The following TMEM161B variants were observed in gnomAD, a reference collection of about 807,000 sequenced individuals.
TMEM161B encodes transmembrane protein 161B.
A neutral mutation model predicts 61.8 loss-of-function variants in TMEM161B; 34 were observed. The observed-to-expected ratio is 0.55, with a 90% CI of 0.42 to 0.73. TMEM161B has a LOEUF of 0.73. Ranked by LOEUF, TMEM161B falls within the 30% of genes least tolerant of loss-of-function variation. The probability of loss-of-function intolerance (pLI) is 0.00; values close to 1 mark genes in which losing one functional copy is unlikely to be tolerated. For synonymous variants in TMEM161B, 167 were observed against 192.8 expected (o/e 0.87, Z 1.11); for missense variants, 456 against 558.5 (o/e 0.82, Z 1.85).
At chr5:88,202,812 G>A (rs1024137693) in intron 9 of TMEM161B, 150 bp downstream of exon 9, 6 of 680,172 alleles carry the variant, frequency 8.8e-6, no homozygotes, top group South Asian at 5.0e-5. Context: ...ATGGTCTGTA[G>A]TTTCAATTTT....
In TMEM161B at chr5:88,195,438, A is replaced by G. The variant is rs1170008522; in HGVS notation, c.*773T>C. ...AAAGTAATTTCTTTAAAGTCTGATC[A>G]GTATTGATAAATATTTTAGCCTATT... On this transcript the variant is annotated 3_prime_UTR_variant, in exon 12 of 12. Transcript: ENST00000296595. The G allele has an allele frequency of 2.1e-6, 2 of 963,360 alleles. No individual in the cohort carries two copies. The highest frequency in any genetic ancestry group is 6.2e-5 in the Admixed American group (1 of 16,044). 59.7% of individuals were successfully genotyped at this position (963,360 alleles called of 1,614,324 possible).
intron 1 of TMEM161B, among the ~76,000 whole-genome samples, chr5:88,258,533 A>C (rs1369973074): frequency 6.6e-6 from 1 of 152,190 alleles, no homozygotes; most frequent in Non-Finnish European, 1.5e-5. Flanking sequence ...CCAAGGGCGA[A>C]TGCAGAAACA....
downstream of TMEM161B, among the ~76,000 whole-genome samples, chr5:88,191,675 C>T (rs1056210634): frequency 4.0e-5 from 6 of 151,822 alleles, no homozygotes; most frequent in South Asian, 2.1e-4. Flanking sequence ...AATACATAGC[C>T]GGCCAGGCGC....
rs1561297425 is a variant in TMEM161B, at chr5:88,197,657, G to A, written c.1186+12C>T. 2.5e-6 allele frequency: 4 copies of A among 1,607,028 alleles called. No individual in the cohort carries two copies. The Admixed American group carries it at 6.7e-5, about 27-fold the overall frequency. On this transcript the variant is annotated intron_variant, in intron 11 of 11. Transcript: ENST00000296595. The stretch of plus-strand genomic sequence containing the variant: ...AGTAAAAGATGCTTCCTAGTTGCCA[G>A]GGCATGCCTACCTAGTGTTTTCAAA...
In TMEM161B at chr5:88,199,094, G is replaced by A; in HGVS notation, c.971C>T (p.Ala324Val). ...LRLWLIILLC[A>V]LRLAMMRSHL... ...ACTACGCATCATGGCCAACCGCAAA[G>A]CACACAGCAGGATTATTAACCAGAG... The change falls in exon 10 of 12, where the codon GCT becomes GTT. Residue 324 changes from alanine (A) to valine (V), a missense_variant. Around this residue, in one of 3 missense-constraint regions of TMEM161B, gnomAD observed 367 missense variants for 427.3 expected, o/e 0.86. Transcript: ENST00000296595. 2 of 1,612,928 alleles carry A rather than the reference G, an allele frequency of 1.2e-6. No individual in the cohort carries two copies. Among genetic ancestry groups the A allele is most frequent in the Non-Finnish European group, 1.7e-6 (2 of 1,179,382 alleles).
chr5:88,228,920 G>C (rs774338175), intron 2 of TMEM161B, among the ~76,000 whole-genome samples: 1 of 152,178 alleles, frequency 6.6e-6, no homozygotes, highest in Non-Finnish European at 1.5e-5. Context: ...ATCTTAAAAA[G>C]AGAGGTGTTT....
At position 88,196,316 on chromosome 5, in the gene TMEM161B, A is replaced by T; in HGVS notation, c.1359T>A (p.Leu453=). The T allele has an allele frequency of 6.2e-7, 1 of 1,613,494 alleles. No homozygotes were observed. Among genetic ancestry groups the T allele is most frequent in the Non-Finnish European group, 8.5e-7 (1 of 1,179,622 alleles). The change falls in exon 12 of 12, where the codon CTT becomes CTA. Residue 453 remains leucine (L), a synonymous_variant. Transcript: ENST00000296595. ...LSSLKNIFTP[L]LFRGLLSFLT... ...GAAAAGACAGAAGTCCTCGAAAAAG[A>T]AGAGGAGTAAAAATATTTTTTAAGC... is the stretch of plus-strand genomic sequence containing the variant.
intron 1 of TMEM161B, among the ~76,000 whole-genome samples, chr5:88,243,753 AT>A (rs1753138465): frequency 6.6e-6 from 1 of 151,850 alleles, no homozygotes; most frequent in Non-Finnish European, 1.5e-5. Flanking sequence ...CCTCACCAGC[AT>A]CTGCTATTTT....
In TMEM161B at chr5:88,219,165, A is replaced by G. The variant is rs765917233; in HGVS notation, c.446+1398T>C. On this transcript the variant is annotated intron_variant, in intron 5 of 11. Transcript: ENST00000296595. ...TCTGAATATATTAAGGCAAGTATTCATCTGTGAATGGTGTTTACATGATCA... is the reference window on the plus strand; with the variant it reads ...TCTGAATATATTAAGGCAAGTATTCGTCTGTGAATGGTGTTTACATGATCA... Among the ~76,000 whole-genome samples, 4 of 152,232 alleles carry G rather than the reference A, an allele frequency of 2.6e-5. 1 individual carries two copies. The South Asian group carries it at 6.2e-4, about 24-fold the overall frequency.
chr5:88,212,809 G>A (rs1368854654), intron 5 of TMEM161B, among the ~76,000 whole-genome samples: 5 of 152,288 alleles, frequency 3.3e-5, no homozygotes, highest in South Asian at 4.1e-4. Flanking sequence ...CCTGGGCGAT[G>A]GAGCGAGATT....
intron 1 of TMEM161B, among the ~76,000 whole-genome samples, chr5:88,251,506 T>C (rs1754339602): frequency 6.6e-6 from 1 of 152,120 alleles, no homozygotes; most frequent in Admixed American, 6.5e-5. Flanking sequence ...AAGGAACTAT[T>C]ATCATCCTAG....
At chr5:88,212,979 T>G (rs1453373286) in intron 5 of TMEM161B, among the ~76,000 whole-genome samples, 1 of 152,184 alleles carries the variant, frequency 6.6e-6, no homozygotes, top group Admixed American at 6.5e-5. Context: ...AGATCACATT[T>G]CCACTCAACT....
chr5:88,232,768 G>T (rs1422925491), intron 2 of TMEM161B, among the ~76,000 whole-genome samples: 2 of 152,100 alleles, frequency 1.3e-5, no homozygotes, highest in East Asian at 3.9e-4. Flanking sequence ...TAGAAATGGG[G>T]TTTCACCGTG....
chr5:88,205,875 C>T lies in TMEM161B; in HGVS notation c.739G>A (p.Gly247Arg). Reference sequence around the variant, plus strand: ...AGATGCATTTGAGCCAGTCGTAATCCAGGAAATGTCAAAAAAGCCCCAATG... The same window carrying T: ...AGATGCATTTGAGCCAGTCGTAATCTAGGAAATGTCAAAAAAGCCCCAATG... ...SFIGAFLTFP[G>R]LRLAQMHLDA... Residue 247 changes from glycine to arginine, a missense_variant, in exon 8 of 12, where the codon GGA (glycine) becomes AGA (arginine). This residue lies in a region of TMEM161B where 367 missense variants were observed against 427.3 expected (regional missense o/e 0.86). Coordinates refer to ENST00000296595, the MANE Select transcript of TMEM161B (RefSeq NM_153354.5). 3 of 1,612,748 alleles carry T rather than the reference C, an allele frequency of 1.9e-6. No homozygotes were observed. The highest frequency in any genetic ancestry group is 2.5e-6 in the Non-Finnish European group (3 of 1,179,298).
chr5:88,220,844 C>G (rs1748832928), intron 4 of TMEM161B, 125 bp from the exon 5 acceptor site: 1 of 1,253,346 alleles, frequency 8.0e-7, no homozygotes, highest in African/African-American at 1.6e-5. Flanking sequence ...TGTTCATTTG[C>G]AATGTAAGAT....
intron 4 of TMEM161B, chr5:88,221,596 C>A (rs191716496): frequency 2.4e-6 from 1 of 422,830 alleles, no homozygotes; most frequent in Non-Finnish European, 4.8e-6. Context: ...TAAAACCATA[C>A]CCCTTCAACA....
rs868436138 is a variant in TMEM161B at position 88,207,282 on chromosome 5, T to C, written c.447-102A>G. The C allele has an allele frequency of 1.2e-5, 13 of 1,122,520 alleles. No homozygotes were observed. The South Asian group carries it at 1.2e-4, about 10-fold the overall frequency. 69.5% of individuals were successfully genotyped at this position (1,122,520 alleles called of 1,614,324 possible). A position where few individuals can be genotyped will look rare whatever the true frequency, so the allele number is the denominator to read the frequency against. On this transcript the variant is annotated intron_variant, in intron 5 of 11. Coordinates refer to ENST00000296595, the MANE Select transcript of TMEM161B (RefSeq NM_153354.5). ...TGCAATAAAATTTGACTACAACATT[T>C]ATTTCCAAGTGGAGTTTAAAACACT...
chr5:88,208,499 G>A (rs1343214837), intron 5 of TMEM161B, among the ~76,000 whole-genome samples: 1 of 151,790 alleles, frequency 6.6e-6, no homozygotes, highest in African/African-American at 2.4e-5. Flanking sequence ...AAAATTAGCC[G>A]GGCATGGTGG....
downstream of TMEM161B, among the ~76,000 whole-genome samples, chr5:88,186,309 A>G (rs772665471): frequency 1.3e-5 from 2 of 152,214 alleles, no homozygotes; most frequent in Non-Finnish European, 2.9e-5. Flanking sequence ...AAAACTAGTC[A>G]GCCTTTAACG....
Sources: allele counts gnomAD v4.1 joint callset (sites outside exome capture counted in the v4.1 genomes callset), GRCh38; gene constraint gnomAD v4.1.1; regional missense constraint gnomAD v4.1.1; transcripts MANE v1.5; gene names NCBI Gene and HGNC (gene_info 2026-07-23, HGNC 2026-07-21).